The following PLEKHA5 variants were observed in gnomAD, a reference collection of about 807,000 sequenced individuals.
The protein encoded by PLEKHA5 is pleckstrin homology domain containing A5.
PLEKHA5 carries 55 observed loss-of-function variants against 181.9 expected under a neutral mutation model. The ratio of observed to expected loss-of-function variants is 0.30; its 90% CI spans 0.24 to 0.38. PLEKHA5 has a LOEUF of 0.38. Among genes scored for constraint, PLEKHA5 ranks in the 10% least tolerant of loss-of-function variants. The probability of loss-of-function intolerance (pLI) is 1.00; values close to 1 mark genes in which losing one functional copy is unlikely to be tolerated. For synonymous variants in PLEKHA5, 535 were observed against 529.4 expected (o/e 1.01, Z -0.15); for missense variants, 1,432 against 1,549.5 (o/e 0.92, Z 1.27).
chr12:19,182,553 C>G (rs2048856246), intron 3 of PLEKHA5, among the ~76,000 whole-genome samples: 1 of 152,172 alleles, frequency 6.6e-6, no homozygotes, highest in African/African-American at 2.4e-5. Flanking sequence ...TTTGAGTACT[C>G]TAACAATAGC....
At chr12:19,195,651 T>TGA (rs1163963749) in intron 3 of PLEKHA5, among the ~76,000 whole-genome samples, 27 of 113,160 alleles carry the variant, frequency 2.4e-4, no homozygotes, top group South Asian at 1.8e-3. Flanking sequence ...CCAGCCTGGG[T>TGA]GAGAGAGAGA....
chr12:19,213,648 C>T (rs1050024437), intron 3 of PLEKHA5, among the ~76,000 whole-genome samples: 2 of 152,000 alleles, frequency 1.3e-5, no homozygotes, highest in African/African-American at 4.8e-5. Context: ...GGCATAGATT[C>T]CTTAATGTTT....
intron 3 of PLEKHA5, among the ~76,000 whole-genome samples, chr12:19,225,692 T>C (rs748738659): frequency 3.3e-5 from 5 of 152,160 alleles, no homozygotes; most frequent in Non-Finnish European, 7.4e-5. Flanking sequence ...AACTGTAAAT[T>C]ATTAGGATCT....
intron 3 of PLEKHA5, among the ~76,000 whole-genome samples, chr12:19,168,443 C>T (rs2045068009): frequency 6.6e-6 from 1 of 151,872 alleles, no homozygotes; most frequent in African/African-American, 2.4e-5. Flanking sequence ...GTGGCCAATA[C>T]ATGGGTGGAA....
At chr12:19,334,856 AT>A (rs1485378063) in intron 20 of PLEKHA5, among the ~76,000 whole-genome samples, 1 of 66,232 alleles carries the variant, frequency 1.5e-5, no homozygotes, top group African/African-American at 4.5e-5. Context: ...ATATATATAT[AT>A]ATATATATAT....
At chr12:19,355,452 A>G (rs539794131) in intron 26 of PLEKHA5, among the ~76,000 whole-genome samples, 200 of 151,238 alleles carry the variant, frequency 1.3e-3, no homozygotes, top group Middle Eastern at 3.4e-3. Context: ...CGTGGACTCA[A>G]GGGATCCTCT....
intron 15 of PLEKHA5, among the ~76,000 whole-genome samples, chr12:19,304,924 TTCTC>T (rs1254236065): frequency 2.0e-5 from 3 of 152,136 alleles, no homozygotes; most frequent in East Asian, 3.9e-4. Flanking sequence ...GCGAAACCCC[TTCTC>T]TCTTTCTTTT....
At chr12:19,236,956 G>C (rs1222473922) in intron 3 of PLEKHA5, 1 of 152,200 alleles carries the variant, frequency 6.6e-6, no homozygotes, top group Non-Finnish European at 1.5e-5. Context: ...AGACAAAGCA[G>C]TTGAGTCTTA....
At chr12:19,142,003 T>TA (rs1275084174) in intron 3 of PLEKHA5, among the ~76,000 whole-genome samples, 3 of 152,180 alleles carry the variant, frequency 2.0e-5, no homozygotes, top group South Asian at 2.1e-4. Context: ...AGACATGCTC[T>TA]AAAAAAGTTT....
chr12:19,162,859 A>G (rs1445766639), intron 3 of PLEKHA5, among the ~76,000 whole-genome samples: 2 of 152,182 alleles, frequency 1.3e-5, no homozygotes, highest in Non-Finnish European at 2.9e-5. Flanking sequence ...AGTAACTCAC[A>G]ATATTTAAAG....
chr12:19,196,243 A>G (rs2052700936), intron 3 of PLEKHA5, among the ~76,000 whole-genome samples: 1 of 152,198 alleles, frequency 6.6e-6, no homozygotes, highest in African/African-American at 2.4e-5. Context: ...GCATTTTTTA[A>G]GGATTAACTA....
At chr12:19,352,077 A>G (rs1374528830) in intron 25 of PLEKHA5, among the ~76,000 whole-genome samples, 2 of 130,452 alleles carry the variant, frequency 1.5e-5, no homozygotes, top group Admixed American at 7.6e-5. Flanking sequence ...ACTCCATCTC[A>G]AAAAAAAAAA....
chr12:19,321,266 A>G (rs1031394855), intron 18 of PLEKHA5, among the ~76,000 whole-genome samples: 2 of 151,038 alleles, frequency 1.3e-5, no homozygotes, highest in Admixed American at 1.3e-4. Context: ...ACTCCTTTTT[A>G]AATTTAGTTT....
chr12:19,315,803 C>G (rs1461220156), intron 16 of PLEKHA5, among the ~76,000 whole-genome samples: 1 of 152,048 alleles, frequency 6.6e-6, no homozygotes, highest in African/African-American at 2.4e-5. Flanking sequence ...TTTAAGGCCT[C>G]TATTTGGTTC....
rs865953143 is a variant in PLEKHA5 at position 19,297,582 on chromosome 12, A to G, written c.2037+5885A>G. Among the ~76,000 whole-genome samples the G allele has an allele frequency of 3.6e-3, 537 of 147,220 alleles. 6 individuals carry two copies. Among genetic ancestry groups the G allele is most frequent in the African/African-American group, 0.013 (516 of 39,900 alleles). On this transcript the variant is annotated intron_variant, in intron 15 of 31. Coordinates refer to ENST00000429027, the MANE Select transcript of PLEKHA5 (RefSeq NM_001256470.2). Reference sequence around the variant, plus strand: ...GCTTGCAGTGAGCCGAGATTGCGCCACTGCAGTCCGCAGTCCGGCCTGGGC... The same window carrying G: ...GCTTGCAGTGAGCCGAGATTGCGCCGCTGCAGTCCGCAGTCCGGCCTGGGC...
chr12:19,290,589 G>A, intron 13 of PLEKHA5, 88 bp from the exon 14 acceptor site: 1 of 1,237,290 alleles, frequency 8.1e-7, no homozygotes, highest in Non-Finnish European at 1.1e-6. Flanking sequence ...GAGGAAACTT[G>A]CCAAGAAATC....
intron 3 of PLEKHA5, among the ~76,000 whole-genome samples, chr12:19,166,010 A>G (rs954243224): frequency 6.6e-6 from 1 of 152,132 alleles, no homozygotes. Flanking sequence ...ACTTCATTTC[A>G]TTTTATAGAT....
At chr12:19,350,359 G>C (rs1435753870) in intron 25 of PLEKHA5, among the ~76,000 whole-genome samples, 1 of 152,226 alleles carries the variant, frequency 6.6e-6, no homozygotes, top group Non-Finnish European at 1.5e-5. Flanking sequence ...TATTTATGCA[G>C]AGATAATGTA....
intron 3 of PLEKHA5, among the ~76,000 whole-genome samples, chr12:19,249,242 C>G (rs1171058156): frequency 6.6e-6 from 1 of 152,128 alleles, no homozygotes. Flanking sequence ...GCCAGCATCA[C>G]TAGTCTTGTA....
Sources: allele counts gnomAD v4.1 joint callset (sites outside exome capture counted in the v4.1 genomes callset), GRCh38; gene constraint gnomAD v4.1.1; transcripts MANE v1.5; gene names NCBI Gene and HGNC (gene_info 2026-07-23, HGNC 2026-07-21).